The following UBE3A variants were observed in gnomAD, a reference collection of about 807,000 sequenced individuals.
UBE3A encodes ubiquitin-protein ligase E3A.
In UBE3A, 6 loss-of-function variants were observed where a neutral mutation model predicts 83.4. The observed-to-expected ratio is 0.07, with a 90% CI of 0.04 to 0.14. The LOEUF is 0.14. Among genes scored for constraint, UBE3A ranks in the 10% least tolerant of loss-of-function variants. The pLI, the probability that UBE3A is intolerant of heterozygous loss-of-function variation, is 1.00. For missense variants in UBE3A, 456 were observed against 1,036.1 expected (o/e 0.44, Z 7.69); for synonymous variants, 337 against 355.4 (o/e 0.95, Z 0.58).
intron 11 of UBE3A, chr15:25,345,605 A>G (rs1305499854): frequency 7.2e-6 from 1 of 139,356 alleles, no homozygotes; most frequent in Non-Finnish European, 1.6e-5. Flanking sequence ...AATAAATAAC[A>G]GAACAGAGTG....
intron 4 of UBE3A, among the ~76,000 whole-genome samples, chr15:25,382,262 A>G (rs1318511725): frequency 2.6e-5 from 4 of 152,078 alleles, no homozygotes; most frequent in Non-Finnish European, 5.9e-5. Flanking sequence ...CGGAGCTTGC[A>G]GTGAGCCGAG....
chr15:25,356,936 TTTA>T (rs2077290861), intron 7 of UBE3A, 40 bp from the exon 8 acceptor site: 5 of 1,518,294 alleles, frequency 3.3e-6, no homozygotes, highest in Middle Eastern at 1.8e-4. Context: ...ACTTTTGTAT[TTTA>T]TTAAGGACTG....
intron 1 of UBE3A, among the ~76,000 whole-genome samples, chr15:25,428,224 C>G (rs1397867162): frequency 6.6e-6 from 1 of 151,944 alleles, no homozygotes; most frequent in Admixed American, 6.6e-5. Context: ...GTATATTTAA[C>G]CTCAATACAA....
intron 1 of UBE3A, among the ~76,000 whole-genome samples, chr15:25,431,235 A>T (rs1893355986): frequency 6.6e-6 from 1 of 152,254 alleles, no homozygotes; most frequent in Admixed American, 6.5e-5. Flanking sequence ...TGTTACAGAG[A>T]TGGCAAAATG....
Position 25,339,113 on chromosome 15 carries a change from T to G in UBE3A, c.*24A>C. ...TTCTTTTTTTTTCCTTCCTTTTTTT[T>G]GTTTTATTTTGTTTTGTTTTGTTTT... is the stretch of plus-strand genomic sequence containing the variant. On this transcript the variant is annotated 3_prime_UTR_variant, in exon 13 of 13. Coordinates refer to ENST00000648336, the MANE Select transcript of UBE3A (RefSeq NM_130839.5). The G allele has an allele frequency of 1.4e-6, 2 of 1,468,474 alleles. No homozygotes were observed. The highest frequency in any genetic ancestry group is 1.8e-6 in the Non-Finnish European group (2 of 1,101,140). The allele number at this position is 1,468,474 out of a possible 1,614,324, so 91.0% of individuals were successfully genotyped here. A position where few individuals can be genotyped will look rare whatever the true frequency, so the allele number is the denominator to read the frequency against.
chr15:25,355,747 A>C (rs2077129974), intron 9 of UBE3A, 145 bp downstream of exon 9: 1 of 825,330 alleles, frequency 1.2e-6, no homozygotes, highest in African/African-American at 1.7e-5. Flanking sequence ...AAGATTTAGA[A>C]AAGTGGACTC....
intron 11 of UBE3A, among the ~76,000 whole-genome samples, chr15:25,352,638 T>G (rs887125906): frequency 6.6e-6 from 1 of 152,222 alleles, no homozygotes; most frequent in Admixed American, 6.5e-5. Context: ...ATCTGCAAAG[T>G]GCAATAAAGT....
At chr15:25,353,162 T>C (rs2076755585) in intron 11 of UBE3A, among the ~76,000 whole-genome samples, 1 of 152,190 alleles carries the variant, frequency 6.6e-6, no homozygotes, top group South Asian at 2.1e-4. Flanking sequence ...AACCCTTTAA[T>C]GAATCACCTT....
chr15:25,421,823 T>C (rs150302822), intron 1 of UBE3A: 69 of 152,244 alleles, frequency 4.5e-4, no homozygotes, highest in Middle Eastern at 3.4e-3. Context: ...ATGCTGACAT[T>C]TGGAGAACTG....
chr15:25,406,948 A>T, intron 3 of UBE3A: 1 of 446,752 alleles, frequency 2.2e-6, no homozygotes, highest in Non-Finnish European at 3.3e-6. Flanking sequence ...GCACAAAATT[A>T]CATAACAACT....
Position 25,405,545 on chromosome 15 carries a change from T to C in UBE3A, c.21-43A>G, listed in dbSNP as rs950841875. 3.1e-6 allele frequency: 5 copies of C among 1,601,664 alleles called. No individual in the cohort carries two copies. In the African/African-American group the frequency reaches 4.1e-5, roughly 13 times the overall value. ...GAAACAGTTAGCAAAATATTCCATA[T>C]TCCAAAAAAAAAGGTAGACATATTA... On this transcript the variant is annotated intron_variant, in intron 3 of 12. Transcript: ENST00000648336.
intron 2 of UBE3A, among the ~76,000 whole-genome samples, chr15:25,409,752 T>C (rs897113016): frequency 6.6e-6 from 1 of 152,150 alleles, no homozygotes; most frequent in Non-Finnish European, 1.5e-5. Context: ...ACGGACAAAT[T>C]CAGTCAAAAG....
chr15:25,396,176 G>C (rs2085526182), intron 4 of UBE3A, among the ~76,000 whole-genome samples: 1 of 151,934 alleles, frequency 6.6e-6, no homozygotes, highest in Non-Finnish European at 1.5e-5. Flanking sequence ...ACTCCAGCCT[G>C]GGTGACAGAG....
chr15:25,422,575 C>T (rs1890137806), intron 1 of UBE3A, among the ~76,000 whole-genome samples: 1 of 152,010 alleles, frequency 6.6e-6, no homozygotes, highest in Non-Finnish European at 1.5e-5. Context: ...CAAATGCAAT[C>T]CAGATCTAAA....
intron 4 of UBE3A, among the ~76,000 whole-genome samples, chr15:25,388,245 T>C (rs1186868112): frequency 6.6e-6 from 1 of 152,186 alleles, no homozygotes; most frequent in East Asian, 1.9e-4. Context: ...TAAATTTTAC[T>C]ACAATGTATA....
chr15:25,434,969 T>TACACAC lies in UBE3A; in HGVS notation c.-165+3514_-165+3519dup, dbSNP rs55856025. 8.3e-4 allele frequency among the ~76,000 whole-genome samples: 118 copies of TACACAC among 142,970 alleles called. 1 individual carries two copies. The highest frequency in any genetic ancestry group is 2.3e-3 in the African/African-American group (87 of 37,714). The allele number at this position is 142,970 out of a possible 152,430, so 93.8% of individuals were successfully genotyped here. On this transcript the variant is annotated intron_variant, in intron 1 of 12. Coordinates refer to ENST00000648336, the MANE Select transcript of UBE3A (RefSeq NM_130839.5). ...GTAAAAATTTTAAATTCTATATACA[T>TACACAC]ACACACACACACACACACACACACA...
intron 1 of UBE3A, among the ~76,000 whole-genome samples, chr15:25,428,773 T>C (rs1892166923): frequency 2.0e-5 from 3 of 152,162 alleles, no homozygotes; most frequent in Admixed American, 2.0e-4. Flanking sequence ...TGGGTGAGGA[T>C]GCTAGAAATG....
Position 25,363,066 on chromosome 15 carries a change from C to T in UBE3A, c.1609-2539G>A, listed in dbSNP as rs7166361. 2.0e-3 allele frequency among the ~76,000 whole-genome samples: 300 copies of T among 152,234 alleles called. 2 individuals are homozygous for T. Among genetic ancestry groups the T allele is most frequent in the African/African-American group, 6.9e-3 (287 of 41,570 alleles). On this transcript the variant is annotated intron_variant, in intron 6 of 12. Transcript: ENST00000648336. ...TGTGTTCTATCTAGTCTTAGCTCTA[C>T]CTAAGACATGTCAAATGATAACTGA...
rs1555393315 is a variant in UBE3A, at chr15:25,360,538, A to G, written c.1609-11T>C. 1 of 1,612,594 alleles carries G rather than the reference A, an allele frequency of 6.2e-7. No individual in the cohort carries two copies. Among genetic ancestry groups the G allele is most frequent in the Non-Finnish European group, 8.5e-7 (1 of 1,179,568 alleles). On this transcript the variant is annotated splice_polypyrimidine_tract_variant and intron_variant, in intron 6 of 12. Coordinates refer to ENST00000648336, the MANE Select transcript of UBE3A (RefSeq NM_130839.5). ...AGCGATCATCTCTAGCTAGTGATTG[A>G]AAAGATAAACATGAAAAGAAGATGA... is the stretch of plus-strand genomic sequence containing the variant.
Sources: allele counts gnomAD v4.1 joint callset (sites outside exome capture counted in the v4.1 genomes callset), GRCh38; gene constraint gnomAD v4.1.1; transcripts MANE v1.5; gene names NCBI Gene and HGNC (gene_info 2026-07-23, HGNC 2026-07-21).